The following RTL9 variants were observed in gnomAD, a reference collection of about 807,000 sequenced individuals.
The protein encoded by RTL9 is retrotransposon Gag-like protein 9.
Under a neutral mutation model 44.7 loss-of-function variants are expected in RTL9, and 19 were observed. That is an observed-to-expected ratio of 0.42 (90% confidence interval 0.30 to 0.62). The LOEUF (loss-of-function observed/expected upper bound fraction) is 0.62. Among genes scored for constraint, RTL9 ranks in the 20% least tolerant of loss-of-function variants. The pLI is 0.16. For missense variants in RTL9, 1,105 were observed against 1,080.6 expected (o/e 1.02, Z -0.32); for synonymous variants, 407 against 398.9 (o/e 1.02, Z -0.24).
At chrX:110,430,964 G>T (rs775289793) in intron 1 of RTL9, among the ~76,000 whole-genome samples, 1 of 111,936 alleles carries the variant, frequency 8.9e-6, no homozygotes, top group East Asian at 2.8e-4. Context: ...ACTTGTGTAT[G>T]ATACTCAGGA....
intron 1 of RTL9, among the ~76,000 whole-genome samples, chrX:110,430,203 G>A (rs1257149832): frequency 1.8e-5 from 2 of 112,823 alleles, no homozygotes; most frequent in African/African-American, 6.4e-5. Flanking sequence ...TTTGCTGATT[G>A]AGTGGATGAA....
upstream of RTL9, among the ~76,000 whole-genome samples, chrX:110,445,776 G>A (rs1000489570): frequency 1.8e-5 from 2 of 111,946 alleles, no homozygotes; most frequent in African/African-American, 6.5e-5. Context: ...TTTGTGAGGC[G>A]GCAGGAGCAT....
At chrX:110,400,160 C>A (rs921275610) in intron 1 of RTL9, among the ~76,000 whole-genome samples, 7 of 107,090 alleles carry the variant, frequency 6.5e-5, no homozygotes, top group African/African-American at 2.4e-4. Flanking sequence ...CTTACACACA[C>A]ATTTGGGTGC....
chrX:110,384,920 G>T (rs2068444692), intron 1 of RTL9, among the ~76,000 whole-genome samples: 1 of 110,595 alleles, frequency 9.0e-6, no homozygotes, highest in South Asian at 3.9e-4. Flanking sequence ...CCCTTTGTTT[G>T]GTTTATTTGC....
At chrX:110,407,252 T>C (rs774492481) in intron 1 of RTL9, among the ~76,000 whole-genome samples, 42 of 112,100 alleles carry the variant, frequency 3.7e-4, no homozygotes, top group African/African-American at 1.2e-3. Flanking sequence ...AAAATAAAAA[T>C]ACATTCTCAA....
intron 1 of RTL9, among the ~76,000 whole-genome samples, chrX:110,435,199 G>A (rs1163720154): frequency 9.1e-6 from 1 of 110,280 alleles, no homozygotes; most frequent in African/African-American, 3.3e-5. Context: ...GAGGAGCTCT[G>A]TGCACAGAAC....
intron 1 of RTL9, among the ~76,000 whole-genome samples, chrX:110,432,009 G>A (rs954364633): frequency 2.7e-5 from 3 of 111,935 alleles, no homozygotes; most frequent in Non-Finnish European, 5.6e-5. Flanking sequence ...GAGTACTAAG[G>A]GTTTGGGGAG....
Position 110,454,775 on chromosome X carries a change from A to G in RTL9, c.4047+111A>G, listed in dbSNP as rs990784866. 6 of 652,030 alleles carry G rather than the reference A, an allele frequency of 9.2e-6. No individual in the cohort carries two copies. In the African/African-American group the frequency reaches 1.3e-4, roughly 15 times the overall value. 53.7% of individuals were successfully genotyped at this position (652,030 alleles called of 1,213,427 possible). A position where few individuals can be genotyped will look rare whatever the true frequency, so the allele number is the denominator to read the frequency against. On this transcript the variant is annotated intron_variant, in intron 1 of 1. Transcript: ENST00000540313. ...AATTGGGAAGAGGCAAGGGGGAGGCATGGAGCTCCTAGACCATTAAACCCC... is the reference window on the plus strand; with the variant it reads ...AATTGGGAAGAGGCAAGGGGGAGGCGTGGAGCTCCTAGACCATTAAACCCC...
intron 1 of RTL9, among the ~76,000 whole-genome samples, chrX:110,387,309 G>A (rs1381644115): frequency 8.9e-6 from 1 of 112,139 alleles, no homozygotes; most frequent in Non-Finnish European, 1.9e-5. Context: ...GCCACATCTG[G>A]CTTACAGACA....
chrX:110,398,631 C>A (rs369342667), intron 1 of RTL9, among the ~76,000 whole-genome samples: 1 of 111,900 alleles, frequency 8.9e-6, no homozygotes, highest in Non-Finnish European at 1.9e-5. Flanking sequence ...GCAGAAGAAA[C>A]AGGCATAAAT....
intron 1 of RTL9, among the ~76,000 whole-genome samples, chrX:110,394,247 T>G (rs1229041454): frequency 8.9e-6 from 1 of 112,346 alleles, no homozygotes; most frequent in East Asian, 2.8e-4. Flanking sequence ...TTTTTGTTTG[T>G]TTGTTTTTTT....
exon 1 of RTL9, chrX:110,450,716 A>G (rs927890026): frequency 8.3e-7 from 1 of 1,209,076 alleles, no homozygotes; most frequent in African/African-American, 1.8e-5. Flanking sequence ...GACCAATGAC[A>G]GAGACCAGAG....
chrX:110,451,954 G>A (rs764442457), exon 1 of RTL9: 1 of 1,210,571 alleles, frequency 8.3e-7, no homozygotes, highest in Admixed American at 2.2e-5. Context: ...ACAGTCCCAA[G>A]CTCTGGAGTG....
intron 1 of RTL9, among the ~76,000 whole-genome samples, chrX:110,360,574 T>C (rs947072282): frequency 1.3e-4 from 15 of 111,128 alleles, no homozygotes; most frequent in Non-Finnish European, 1.7e-4. Flanking sequence ...TAATGGAGAG[T>C]AGAAGAAAGG....
intron 1 of RTL9, among the ~76,000 whole-genome samples, chrX:110,392,196 C>CA (rs2068498475): frequency 9.2e-6 from 1 of 108,992 alleles, no homozygotes; most frequent in Non-Finnish European, 1.9e-5. Context: ...CTATCAGCTT[C>CA]AAATGTACAT....
chrX:110,362,251 T>C (rs1266188559), intron 1 of RTL9, among the ~76,000 whole-genome samples: 1 of 111,696 alleles, frequency 9.0e-6, no homozygotes, highest in Non-Finnish European at 1.9e-5. Context: ...CCCTCATCCC[T>C]ACACTAAAAC....
At chrX:110,428,973 C>T (rs1228973976) in intron 1 of RTL9, among the ~76,000 whole-genome samples, 2 of 112,175 alleles carry the variant, frequency 1.8e-5, no homozygotes, top group Non-Finnish European at 3.8e-5. Flanking sequence ...AATGCACTTG[C>T]TCCTCCTTCA....
chrX:110,359,699 A>C (rs1023689055), intron 1 of RTL9, among the ~76,000 whole-genome samples: 1 of 111,816 alleles, frequency 8.9e-6, no homozygotes, highest in South Asian at 3.7e-4. Flanking sequence ...CCTGGGTGCA[A>C]AAGTCGGTAT....
chrX:110,425,294 G>A (rs1349262531), intron 1 of RTL9, among the ~76,000 whole-genome samples: 4 of 112,190 alleles, frequency 3.6e-5, no homozygotes, highest in Non-Finnish European at 5.6e-5. Context: ...GGGGTTGCAT[G>A]TTGATGGGTA....
Sources: gnomAD v4.1 joint callset for allele counts (sites outside exome capture counted in the v4.1 genomes callset) on GRCh38, gnomAD v4.1.1 for gene constraint, MANE v1.5 for transcripts, NCBI Gene and HGNC (gene_info 2026-07-23, HGNC 2026-07-21) for gene names.